DYNLT5: variants seen among roughly 807,000 people sequenced by gnomAD.
DYNLT5 encodes dynein light chain Tctex-type 5.
Under a neutral mutation model 19.3 loss-of-function variants are expected in DYNLT5, and 25 were observed. The ratio of observed to expected loss-of-function variants is 1.30; its 90% CI spans 0.95 to 1.81. The LOEUF (loss-of-function observed/expected upper bound fraction) is 1.81. Among genes scored for constraint, DYNLT5 ranks in the 40% most tolerant of loss-of-function variants. The pLI is 0.00. For synonymous variants in DYNLT5, 82 were observed against 68.9 expected, an observed-to-expected ratio of 1.19 and a Z score of -0.94; for missense variants, 232 against 217.9, an observed-to-expected ratio of 1.06 and a Z score of -0.41.
rs555524076 is a variant in DYNLT5 at position 66,758,050 on chromosome 1, T to A, written c.119+3273T>A. 7.9e-5 allele frequency among the ~76,000 whole-genome samples: 12 copies of A among 152,276 alleles called. No homozygotes were observed. In the South Asian group the frequency reaches 2.5e-3, roughly 32 times the overall value. On this transcript the variant is annotated intron_variant, in intron 2 of 4. Transcript: ENST00000282670. ...AAGATAGATGTTATTATCTCCCCCA[T>A]TCGACAAATGAAGAAGCAGAAGCTT...
chr1:66,762,017 C>T (rs140111468), intron 2 of DYNLT5, among the ~76,000 whole-genome samples: 9 of 152,162 alleles, frequency 5.9e-5, no homozygotes, highest in Non-Finnish European at 1.2e-4. Flanking sequence ...GTGTTCACAG[C>T]ATCTTCACCA....
In DYNLT5 at chr1:66,777,249, A is replaced by C; in HGVS notation, c.337-2A>C. On this transcript the variant is annotated splice_acceptor_variant, in intron 4 of 4. Transcript: ENST00000282670. LOFTEE classifies it high-confidence loss of function. ...AGACCCTCCCTTTTTTTAAATTTCTAGGTTATTAAAGCCCAGGTCAAGGAC... is the reference window on the plus strand; with the variant it reads ...AGACCCTCCCTTTTTTTAAATTTCTCGGTTATTAAAGCCCAGGTCAAGGAC... 1 of 1,601,768 alleles carries C rather than the reference A, an allele frequency of 6.2e-7. No individual in the cohort carries two copies. The highest frequency in any genetic ancestry group is 8.5e-7 in the Non-Finnish European group (1 of 1,172,396).
rs766163861 is a variant in DYNLT5, at chr1:66,777,480, C to T, written c.*26C>T. ...TTGAAAATAAGAAATCTAGCTCTTA[C>T]TTTTGAAAATTCTGAGGCAGGCTGT... On this transcript the variant is annotated 3_prime_UTR_variant, in exon 5 of 5. Transcript: ENST00000282670. 6.2e-7 allele frequency: 1 copy of T among 1,600,852 alleles called. No homozygotes were observed. The highest frequency in any genetic ancestry group is 8.5e-7 in the Non-Finnish European group (1 of 1,171,834).
At chr1:66,757,671 A>G (rs1351990531) in intron 2 of DYNLT5, among the ~76,000 whole-genome samples, 2 of 152,154 alleles carry the variant, frequency 1.3e-5, no homozygotes, top group Non-Finnish European at 2.9e-5. Context: ...GGCCCTTGCG[A>G]TGAACCTTAT....
At chr1:66,765,450 A>G (rs1390842678) in intron 2 of DYNLT5, among the ~76,000 whole-genome samples, 1 of 152,174 alleles carries the variant, frequency 6.6e-6, no homozygotes, top group East Asian at 1.9e-4. Flanking sequence ...TAATAATTAG[A>G]TGCTATTGTG....
In DYNLT5 at chr1:66,777,615, G is replaced by A. The variant is rs1645245003; in HGVS notation, c.*161G>A. 4 of 551,038 alleles carry A rather than the reference G, an allele frequency of 7.3e-6. No individual in the cohort carries two copies. The East Asian group carries it at 1.2e-4, about 16-fold the overall frequency. 34.1% of individuals were successfully genotyped at this position (551,038 alleles called of 1,614,324 possible). The stretch of plus-strand genomic sequence containing the variant: ...TTTTCATATTCTAGTAAAGATTTGG[G>A]GAGGGGAGGGTAGCCACAGAAAGAA... On this transcript the variant is annotated 3_prime_UTR_variant, in exon 5 of 5. Coordinates refer to ENST00000282670, the MANE Select transcript of DYNLT5 (RefSeq NM_152665.3).
chr1:66,773,725 T>C (rs746771743), intron 3 of DYNLT5, among the ~76,000 whole-genome samples: 1 of 152,314 alleles, frequency 6.6e-6, no homozygotes, highest in East Asian at 1.9e-4. Context: ...AGTAAACTTA[T>C]CTTTATCTAC....
chr1:66,768,615 T>TA (rs1645183299), intron 2 of DYNLT5: 1 of 152,220 alleles, frequency 6.6e-6, no homozygotes, highest in Admixed American at 6.5e-5. Context: ...AGACAGTTTA[T>TA]AAAAATCCTT....
chr1:66,771,341 C>A lies in DYNLT5; in HGVS notation c.211+863C>A, dbSNP rs1404314601. 3.3e-5 allele frequency among the ~76,000 whole-genome samples: 5 copies of A among 152,214 alleles called. No homozygotes were observed. In the South Asian group the frequency reaches 1.0e-3, roughly 31 times the overall value. On this transcript the variant is annotated intron_variant, in intron 3 of 4. Transcript: ENST00000282670. ...TGCCATCCAATATACTTTTATACTT[C>A]TCTGGTAACCTCACTAAATTTCCTT...
chr1:66,754,892 C>T, intron 2 of DYNLT5, 115 bp downstream of exon 2: 1 of 1,144,500 alleles, frequency 8.7e-7, no homozygotes, highest in Non-Finnish European at 1.2e-6. Flanking sequence ...TGGGCAAGTA[C>T]AAGGTGCAGG....
At position 66,770,303 on chromosome 1, in the gene DYNLT5, G is replaced by C. The variant is rs1645196573; in HGVS notation, c.120-84G>C. ...AATTTTCTGAGAAAACTTCATCTTT[G>C]TAACATTTTAGCTTAAAGCAATATT... On this transcript the variant is annotated intron_variant, in intron 2 of 4. Coordinates refer to ENST00000282670, the MANE Select transcript of DYNLT5 (RefSeq NM_152665.3). 1.9e-5 allele frequency: 17 copies of C among 917,514 alleles called. 1 individual carries two copies. In the Admixed American group the frequency reaches 3.2e-4, roughly 17 times the overall value. The allele number at this position is 917,514 out of a possible 1,614,324, so 56.8% of individuals were successfully genotyped here.
chr1:66,761,653 C>A (rs2094646115), intron 2 of DYNLT5, among the ~76,000 whole-genome samples: 1 of 152,152 alleles, frequency 6.6e-6, no homozygotes, highest in African/African-American at 2.4e-5. Flanking sequence ...GTAGTACCTG[C>A]CTGTAGTCCT....
At chr1:66,774,480 A>C (rs1645223833) in intron 3 of DYNLT5, among the ~76,000 whole-genome samples, 2 of 152,156 alleles carry the variant, frequency 1.3e-5, no homozygotes, top group African/African-American at 4.8e-5. Context: ...TTATCATCAA[A>C]ATAAAAATAA....
intron 2 of DYNLT5, among the ~76,000 whole-genome samples, chr1:66,761,000 C>G: frequency 6.6e-6 from 1 of 152,156 alleles, no homozygotes; most frequent in East Asian, 1.9e-4. Flanking sequence ...ATCACTTCTA[C>G]TCGAAAAAAA....
intron 3 of DYNLT5, among the ~76,000 whole-genome samples, chr1:66,773,833 G>GA (rs529321635): frequency 9.4e-4 from 138 of 147,580 alleles, no homozygotes; most frequent in Non-Finnish European, 1.6e-3. Context: ...TTCTCCTAAG[G>GA]AAAAAAAAAA....
rs986929991 is a variant in DYNLT5, at chr1:66,777,707, T to C, written c.*253T>C. Reference sequence around the variant, plus strand: ...GATTGCTTTCCATAGACATAGATTCTTATTAAATATTTGTTTTGGTACTAA... The same window carrying C: ...GATTGCTTTCCATAGACATAGATTCCTATTAAATATTTGTTTTGGTACTAA... On this transcript the variant is annotated 3_prime_UTR_variant, in exon 5 of 5. Transcript: ENST00000282670. 9.8e-6 allele frequency: 3 copies of C among 306,976 alleles called. No individual in the cohort carries two copies. The highest frequency in any genetic ancestry group is 8.9e-5 in the Admixed American group (2 of 22,390). The allele number at this position is 306,976 out of a possible 1,614,324, so 19.0% of individuals were successfully genotyped here.
intron 1 of DYNLT5, 102 bp from the exon 2 acceptor site, chr1:66,754,553 TG>T (rs1387174488): frequency 7.9e-7 from 1 of 1,258,970 alleles, no homozygotes; most frequent in Non-Finnish European, 1.0e-6. Flanking sequence ...TGTTCAAAAA[TG>T]GTAGGAAAAC....
intron 2 of DYNLT5, among the ~76,000 whole-genome samples, chr1:66,761,816 A>T (rs2150861939): frequency 6.6e-6 from 1 of 152,302 alleles, no homozygotes; most frequent in South Asian, 2.1e-4. Context: ...ATAATAAAAT[A>T]AATTTTAAAG....
chr1:66,762,664 A>G (rs1206855078), intron 2 of DYNLT5, among the ~76,000 whole-genome samples: 1 of 152,262 alleles, frequency 6.6e-6, no homozygotes, highest in Non-Finnish European at 1.5e-5. Context: ...CATCTATGAC[A>G]GCAATAGCCT....
Sources: allele counts gnomAD v4.1 joint callset (sites outside exome capture counted in the v4.1 genomes callset), GRCh38; gene constraint gnomAD v4.1.1; transcripts MANE v1.5; gene names NCBI Gene and HGNC (gene_info 2026-07-23, HGNC 2026-07-21).